Variants in GABBR2 observed in about 807,000 individuals in gnomAD.
GABBR2 encodes the protein G-protein coupled receptor 51.
Under a neutral mutation model 105.6 loss-of-function variants are expected in GABBR2, and 23 were observed. The observed-to-expected ratio is 0.22, with a 90% CI of 0.16 to 0.31. GABBR2 has a LOEUF of 0.31. GABBR2 is among the 10% of genes least tolerant of loss of function. The pLI, the probability that GABBR2 is intolerant of heterozygous loss-of-function variation, is 1.00. For synonymous variants in GABBR2, 478 were observed against 499.7 expected, an observed-to-expected ratio of 0.96 and a Z score of 0.58; for missense variants, 734 against 1,245.5, an observed-to-expected ratio of 0.59 and a Z score of 6.18.
In GABBR2 at chr9:98,495,126, G is replaced by A. The variant is rs1827252499; in HGVS notation, c.732+1287C>T. ...TCCAGCCACCTGGGCTGTCAAGCAG[G>A]CCCTTCCCTGACTACTGTGTCCTCA... is the stretch of plus-strand genomic sequence containing the variant. On this transcript the variant is annotated intron_variant, in intron 4 of 18. Transcript: ENST00000259455. Among the ~76,000 whole-genome samples the A allele has an allele frequency of 2.0e-5, 3 of 152,362 alleles. No individual in the cohort carries two copies. The South Asian group carries it at 6.2e-4, about 32-fold the overall frequency.
intron 3 of GABBR2, among the ~76,000 whole-genome samples, chr9:98,536,917 C>A (rs1828192406): frequency 1.3e-5 from 2 of 152,174 alleles, no homozygotes; most frequent in Admixed American, 6.5e-5. Flanking sequence ...CTCCTCAGTC[C>A]CCAGGCCTGC....
Position 98,481,006 on chromosome 9 carries a change from G to A in GABBR2, c.733-9C>T, listed in dbSNP as rs781252585. The A allele has an allele frequency of 6.3e-7, 1 of 1,576,270 alleles. No individual in the cohort carries two copies. The highest frequency in any genetic ancestry group is 1.1e-5 in the South Asian group (1 of 90,300). ...ATCCGCACATCATTCCCCTGTGGATGGAAGGACACATCATGAAGGTGAGTA... is the reference window on the plus strand; with the variant it reads ...ATCCGCACATCATTCCCCTGTGGATAGAAGGACACATCATGAAGGTGAGTA... On this transcript the variant is annotated splice_polypyrimidine_tract_variant and intron_variant, in intron 4 of 18. Transcript: ENST00000259455.
intron 1 of GABBR2, among the ~76,000 whole-genome samples, chr9:98,598,955 G>T (rs1027171711): frequency 1.3e-5 from 2 of 152,048 alleles, no homozygotes; most frequent in East Asian, 3.8e-4. Context: ...TGGCTCCCCT[G>T]CCCCCTACCT....
chr9:98,600,701 G>C (rs1829316479), intron 1 of GABBR2, among the ~76,000 whole-genome samples: 1 of 152,178 alleles, frequency 6.6e-6, no homozygotes, highest in Admixed American at 6.5e-5. Context: ...CAGAAAACTG[G>C]GAGCCGTCCA....
At chr9:98,346,068 C>T (rs1337113317) in intron 13 of GABBR2, among the ~76,000 whole-genome samples, 3 of 152,204 alleles carry the variant, frequency 2.0e-5, no homozygotes, top group East Asian at 1.9e-4. Context: ...AGGGTTTTAC[C>T]TCCTTATTGA....
In GABBR2 at chr9:98,362,662, T is replaced by C. The variant is rs543604190; in HGVS notation, c.1893+53A>G. 2.9e-5 allele frequency: 41 copies of C among 1,420,092 alleles called. No individual in the cohort carries two copies. The African/African-American group carries it at 4.9e-4, about 17-fold the overall frequency. The allele number at this position is 1,420,092 out of a possible 1,614,324, so 88.0% of individuals were successfully genotyped here. On this transcript the variant is annotated intron_variant, in intron 13 of 18. Coordinates refer to ENST00000259455, the MANE Select transcript of GABBR2 (RefSeq NM_005458.8). ...GAGCTGTGCAGCCTCACTGTCCTCA[T>C]GTGCCAGGGGCTGCATCTGCAGGCT...
chr9:98,400,723 G>A (rs1832380130), intron 8 of GABBR2, among the ~76,000 whole-genome samples: 1 of 152,182 alleles, frequency 6.6e-6, no homozygotes, highest in Non-Finnish European at 1.5e-5. Context: ...CCAGGACCAT[G>A]GAGATGTCTT....
At chr9:98,655,657 TA>T (rs1416444795) in intron 1 of GABBR2, among the ~76,000 whole-genome samples, 6 of 152,104 alleles carry the variant, frequency 3.9e-5, no homozygotes, top group African/African-American at 1.4e-4. Context: ...TATGCAGCCA[TA>T]AAAAAGGATG....
At chr9:98,616,859 G>A (rs1409651943) in intron 1 of GABBR2, among the ~76,000 whole-genome samples, 2 of 152,206 alleles carry the variant, frequency 1.3e-5, no homozygotes, top group African/African-American at 2.4e-5. Context: ...CTCTGGATAA[G>A]TGAGGTATTG....
chr9:98,483,957 T>C (rs993687445), intron 4 of GABBR2, among the ~76,000 whole-genome samples: 8 of 152,180 alleles, frequency 5.3e-5, no homozygotes, highest in African/African-American at 1.9e-4. Flanking sequence ...TGTCAACAAA[T>C]ATGTGTTGAA....
At chr9:98,526,082 G>A (rs1381300583) in intron 3 of GABBR2, among the ~76,000 whole-genome samples, 1 of 152,126 alleles carries the variant, frequency 6.6e-6, no homozygotes, top group Non-Finnish European at 1.5e-5. Flanking sequence ...GGTAATTGTT[G>A]CACATTATTG....
intron 3 of GABBR2, among the ~76,000 whole-genome samples, chr9:98,500,731 C>G (rs897088310): frequency 1.3e-5 from 2 of 152,216 alleles, no homozygotes; most frequent in Non-Finnish European, 2.9e-5. Flanking sequence ...TCCCCACCCC[C>G]GCTACAAGAA....
At chr9:98,517,819 C>G (rs1293770081) in intron 3 of GABBR2, among the ~76,000 whole-genome samples, 2 of 152,082 alleles carry the variant, frequency 1.3e-5, no homozygotes, top group African/African-American at 4.8e-5. Context: ...AGTCAGAAGA[C>G]CAATGAGAAC....
At chr9:98,540,677 C>T (rs1828278213) in intron 3 of GABBR2, among the ~76,000 whole-genome samples, 1 of 152,198 alleles carries the variant, frequency 6.6e-6, no homozygotes, top group Non-Finnish European at 1.5e-5. Context: ...CCCTGACTCA[C>T]ACATGGAAAT....
At chr9:98,567,056 C>T (rs189490601) in intron 2 of GABBR2, among the ~76,000 whole-genome samples, 19 of 152,318 alleles carry the variant, frequency 1.2e-4, no homozygotes, top group African/African-American at 4.1e-4. Flanking sequence ...TCTGTGTAAT[C>T]TACAATTGTG....
At chr9:98,485,619 C>A (rs1054076573) in intron 4 of GABBR2, among the ~76,000 whole-genome samples, 5 of 152,180 alleles carry the variant, frequency 3.3e-5, no homozygotes, top group African/African-American at 1.2e-4. Context: ...ATCCTAACAT[C>A]ATAAAAATAA....
intron 1 of GABBR2, among the ~76,000 whole-genome samples, chr9:98,605,809 G>C (rs1402082469): frequency 6.6e-6 from 1 of 152,032 alleles, no homozygotes; most frequent in Non-Finnish European, 1.5e-5. Flanking sequence ...TTAAATTCTA[G>C]GGTACATGTG....
chr9:98,674,180 G>A (rs1830444009), intron 1 of GABBR2, among the ~76,000 whole-genome samples: 1 of 152,060 alleles, frequency 6.6e-6, no homozygotes, highest in Non-Finnish European at 1.5e-5. Context: ...CACAAAAGGA[G>A]CCTAAGATAG....
chr9:98,297,233 T>C (rs578195488), intron 17 of GABBR2, among the ~76,000 whole-genome samples: 170 of 152,340 alleles, frequency 1.1e-3, no homozygotes, highest in African/African-American at 4.0e-3. Flanking sequence ...GTTATCTCAA[T>C]TTAAACGTTT....
Sources: allele counts gnomAD v4.1 joint callset (sites outside exome capture counted in the v4.1 genomes callset), GRCh38; gene constraint gnomAD v4.1.1; transcripts MANE v1.5; gene names NCBI Gene and HGNC (gene_info 2026-07-23, HGNC 2026-07-21).